MAP2K6: variants seen among roughly 807,000 people sequenced by gnomAD.
MAP2K6 encodes the protein mitogen-activated protein kinase kinase 6, also known as dual specificity mitogen-activated protein kinase kinase 6.
Under a neutral mutation model 53.7 loss-of-function variants are expected in MAP2K6, and 16 were observed. That is an observed-to-expected ratio of 0.30 (90% CI 0.20 to 0.45). The LOEUF (loss-of-function observed/expected upper bound fraction) is 0.45. MAP2K6 is among the 20% of genes least tolerant of loss of function. MAP2K6 has a pLI of 1.00. For missense variants in MAP2K6, 204 were observed against 411.9 expected, an observed-to-expected ratio of 0.50 and a Z score of 4.37; for synonymous variants, 132 against 143.1, an observed-to-expected ratio of 0.92 and a Z score of 0.55.
At chr17:69,537,764 T>G (rs1387223802) in intron 11 of MAP2K6, among the ~76,000 whole-genome samples, 9 of 152,232 alleles carry the variant, frequency 5.9e-5, no homozygotes, top group Admixed American at 3.3e-4. Flanking sequence ...CTCTACCATC[T>G]TTATTCAACT....
intron 10 of MAP2K6, among the ~76,000 whole-genome samples, chr17:69,535,504 T>A (rs1911310558): frequency 6.6e-6 from 1 of 152,052 alleles, no homozygotes; most frequent in African/African-American, 2.4e-5. Context: ...GGCAGGAAGA[T>A]CACCTGAGCC....
At chr17:69,510,311 G>T (rs1909749138) in intron 2 of MAP2K6, among the ~76,000 whole-genome samples, 1 of 152,128 alleles carries the variant, frequency 6.6e-6, no homozygotes, top group Non-Finnish European at 1.5e-5. Flanking sequence ...ATCCCAGTTA[G>T]TTATGGTATA....
intron 1 of MAP2K6, among the ~76,000 whole-genome samples, chr17:69,439,992 A>G (rs1307250974): frequency 6.6e-6 from 1 of 152,230 alleles, no homozygotes; most frequent in Non-Finnish European, 1.5e-5. Flanking sequence ...GGAAAGGGTA[A>G]GAAATTATCC....
At chr17:69,480,936 T>C (rs1388986193) in intron 1 of MAP2K6, among the ~76,000 whole-genome samples, 1 of 95,664 alleles carries the variant, frequency 1.0e-5, no homozygotes, top group Non-Finnish European at 2.1e-5. Context: ...TTAGATGAAA[T>C]GTGAAATGAG....
intron 11 of MAP2K6, among the ~76,000 whole-genome samples, chr17:69,538,688 A>G (rs1437760899): frequency 1.3e-5 from 2 of 152,154 alleles, no homozygotes; most frequent in Non-Finnish European, 2.9e-5. Context: ...AGAAATCCCA[A>G]ATGTTTCTCT....
intron 1 of MAP2K6, among the ~76,000 whole-genome samples, chr17:69,472,697 T>C (rs1466550036): frequency 2.0e-5 from 3 of 152,162 alleles, no homozygotes; most frequent in Non-Finnish European, 4.4e-5. Flanking sequence ...ATTATCTTAC[T>C]TGTTTTATTC....
At chr17:69,449,544 T>TC (rs767024550) in intron 1 of MAP2K6, among the ~76,000 whole-genome samples, 4 of 56,634 alleles carry the variant, frequency 7.1e-5, no homozygotes, top group African/African-American at 2.0e-4. Context: ...TTTCTTTCTT[T>TC]CTTTCTTTCT....
chr17:69,525,003 C>G, intron 9 of MAP2K6, 25 bp downstream of exon 9: 1 of 1,587,000 alleles, frequency 6.3e-7, no homozygotes, highest in African/African-American at 1.3e-5. Context: ...TCATCATGAA[C>G]TATGAGGTTG....
intron 1 of MAP2K6, among the ~76,000 whole-genome samples, chr17:69,416,685 G>T (rs904066515): frequency 6.6e-6 from 1 of 152,026 alleles, no homozygotes; most frequent in Admixed American, 6.6e-5. Context: ...TTTTTCCTTC[G>T]GGTTGGTGAA....
chr17:69,471,333 A>T (rs754760277), intron 1 of MAP2K6, among the ~76,000 whole-genome samples: 1 of 152,194 alleles, frequency 6.6e-6, no homozygotes, highest in Non-Finnish European at 1.5e-5. Context: ...ATGGAATACT[A>T]TACAGCCACA....
intron 1 of MAP2K6, among the ~76,000 whole-genome samples, chr17:69,491,870 C>T (rs1032756236): frequency 1.3e-5 from 2 of 151,848 alleles, no homozygotes; most frequent in Non-Finnish European, 1.5e-5. Context: ...TTGATTCGGA[C>T]TGGTCTGAGA....
intron 1 of MAP2K6, among the ~76,000 whole-genome samples, chr17:69,470,103 G>T (rs1237389833): frequency 1.3e-5 from 2 of 152,156 alleles, no homozygotes. Context: ...TACTCAGGAG[G>T]CTAAGGTGGG....
chr17:69,492,638 C>T (rs939789126), intron 1 of MAP2K6, among the ~76,000 whole-genome samples: 1 of 152,184 alleles, frequency 6.6e-6, no homozygotes, highest in African/African-American at 2.4e-5. Flanking sequence ...GCATTCCTTA[C>T]ATTGCAGCTG....
At chr17:69,462,520 G>A (rs1305537596) in intron 1 of MAP2K6, among the ~76,000 whole-genome samples, 1 of 152,108 alleles carries the variant, frequency 6.6e-6, no homozygotes, top group Non-Finnish European at 1.5e-5. Flanking sequence ...CCCCATTTGA[G>A]TTTGACGGCC....
intron 10 of MAP2K6, among the ~76,000 whole-genome samples, chr17:69,533,281 A>G (rs1367016642): frequency 6.6e-6 from 1 of 152,216 alleles, no homozygotes; most frequent in African/African-American, 2.4e-5. Flanking sequence ...AAGATAAGAT[A>G]TCCTGACTCA....
intron 2 of MAP2K6, among the ~76,000 whole-genome samples, chr17:69,515,152 G>A (rs919126527): frequency 2.7e-5 from 4 of 150,050 alleles, no homozygotes; most frequent in Non-Finnish European, 4.4e-5. Context: ...TTTGTTTCTC[G>A]AAATTTGCTT....
chr17:69,526,849 C>T, intron 10 of MAP2K6, 140 bp downstream of exon 10: 1 of 1,032,054 alleles, frequency 9.7e-7, no homozygotes, highest in Non-Finnish European at 1.4e-6. Context: ...GCTGGAGAAG[C>T]AAAGATGACC....
chr17:69,455,343 G>A (rs1907368935), intron 1 of MAP2K6, among the ~76,000 whole-genome samples: 1 of 152,060 alleles, frequency 6.6e-6, no homozygotes, highest in South Asian at 2.1e-4. Context: ...GGTGAGGGAT[G>A]GTATCCCTGC....
intron 1 of MAP2K6, among the ~76,000 whole-genome samples, chr17:69,466,610 G>C (rs758557982): frequency 1.3e-5 from 2 of 152,234 alleles, no homozygotes; most frequent in Non-Finnish European, 2.9e-5. Context: ...CAAAGCAAAA[G>C]TGGAAATCAG....
Sources: gnomAD v4.1 joint callset for allele counts (sites outside exome capture counted in the v4.1 genomes callset) on GRCh38, gnomAD v4.1.1 for gene constraint, MANE v1.5 for transcripts, NCBI Gene and HGNC (gene_info 2026-07-23, HGNC 2026-07-21) for gene names.